Variants in MON2 observed in about 807,000 individuals in gnomAD.
MON2 encodes the protein MON2 regulator of endosome-to-Golgi trafficking, also known as protein MON2 homolog.
A neutral mutation model predicts 208.6 loss-of-function variants in MON2; 84 were observed. The ratio of observed to expected loss-of-function variants is 0.40; its 90% CI spans 0.34 to 0.48. The LOEUF (loss-of-function observed/expected upper bound fraction) is 0.48. MON2 is among the 20% of genes least tolerant of loss of function. MON2 has a pLI of 0.59. For missense variants in MON2, 1,611 were observed against 2,015.4 expected, an observed-to-expected ratio of 0.80 and a Z score of 3.84; for synonymous variants, 660 against 694.0, an observed-to-expected ratio of 0.95 and a Z score of 0.77.
At chr12:62,538,381 A>G in intron 18 of MON2, 34 bp from the exon 19 acceptor site, 1 of 1,589,710 alleles carries the variant, frequency 6.3e-7, no homozygotes, top group Non-Finnish European at 8.6e-7. Context: ...TATATTTTAG[A>G]TCAAGATGTC....
In MON2 at chr12:62,585,231, T is replaced by C; in HGVS notation, c.4700-63T>C. ...CTCTCTATTCCTAGTTTGCTAAGCATTGTTATCATTAAAGCTCATTGATTT... is the reference window on the plus strand; with the variant it reads ...CTCTCTATTCCTAGTTTGCTAAGCACTGTTATCATTAAAGCTCATTGATTT... On this transcript the variant is annotated intron_variant, in intron 32 of 34. Transcript: ENST00000393630. 4.6e-6 allele frequency: 6 copies of C among 1,306,656 alleles called. No individual in the cohort carries two copies. The South Asian group carries it at 7.8e-5, about 17-fold the overall frequency. The allele number at this position is 1,306,656 out of a possible 1,614,324, so 80.9% of individuals were successfully genotyped here.
In MON2 at chr12:62,472,991, GATTT is replaced by G. The variant is rs972959026; in HGVS notation, c.111+5678_111+5681del. 5.9e-5 allele frequency among the ~76,000 whole-genome samples: 9 copies of G among 151,574 alleles called. No individual in the cohort carries two copies. The East Asian group carries it at 7.8e-4, about 13-fold the overall frequency. On this transcript the variant is annotated intron_variant, in intron 1 of 34. Transcript: ENST00000393630. ...AAAAGGAAGACATATTTCAAAATTT[GATTT>G]ATTTTTCTTTTTTCCTTTATGTAAG...
chr12:62,524,672 A>G (rs770005219), intron 9 of MON2, 33 bp downstream of exon 9: 11 of 1,599,552 alleles, frequency 6.9e-6, no homozygotes, highest in Admixed American at 1.7e-5. Context: ...TTAAATAGAT[A>G]GGTTAATGTT....
chr12:62,528,518 T>A (rs1007010927), intron 11 of MON2, among the ~76,000 whole-genome samples: 6 of 152,210 alleles, frequency 3.9e-5, no homozygotes, highest in Admixed American at 3.9e-4. Context: ...GTAATTCTAA[T>A]AAAGTAGCAC....
chr12:62,571,703 T>C (rs2074602814), intron 30 of MON2, 121 bp downstream of exon 30: 1 of 793,310 alleles, frequency 1.3e-6, no homozygotes, highest in Non-Finnish European at 1.9e-6. Context: ...CTAGATTGTA[T>C]TAAAAACACA....
intron 4 of MON2, among the ~76,000 whole-genome samples, chr12:62,497,010 A>C (rs1281838566): frequency 6.9e-6 from 1 of 144,344 alleles, no homozygotes; most frequent in Non-Finnish European, 1.5e-5. Flanking sequence ...CTTTGTAGGG[A>C]CATGGATGAA....
chr12:62,486,490 C>T (rs1450993321), intron 2 of MON2, among the ~76,000 whole-genome samples: 1 of 151,970 alleles, frequency 6.6e-6, no homozygotes, highest in Non-Finnish European at 1.5e-5. Flanking sequence ...TCGTAGTATC[C>T]AGAGCCCATA....
Position 62,524,615 on chromosome 12 carries a change from T to A in MON2, c.1085T>A (p.Phe362Tyr). 6.2e-7 allele frequency: 1 copy of A among 1,613,416 alleles called. No individual in the cohort carries two copies. The highest frequency in any genetic ancestry group is 8.5e-7 in the Non-Finnish European group (1 of 1,179,554). Reference sequence around the variant, plus strand: ...GTTGCGGTGGAATCAATACACAGATTCTGTGTGCAGCCTCAACTATTAAGG... The same window carrying A: ...GTTGCGGTGGAATCAATACACAGATACTGTGTGCAGCCTCAACTATTAAGG... ...RAVAVESIHR[F>Y]CVQPQLLRSF... Residue 362 changes from phenylalanine to tyrosine, a missense_variant, in exon 9 of 35, where the codon TTC (phenylalanine) becomes TAC (tyrosine). Phe to Tyr is a conservative substitution (Grantham distance 22). Coordinates refer to ENST00000393630, the MANE Select transcript of MON2 (RefSeq NM_015026.3).
intron 8 of MON2, among the ~76,000 whole-genome samples, chr12:62,517,727 A>C (rs751840436): frequency 1.3e-5 from 2 of 152,186 alleles, no homozygotes; most frequent in African/African-American, 4.8e-5. Context: ...GTAACAAATA[A>C]ATTTCTGTCA....
At chr12:62,537,857 G>A (rs1385013257) in intron 16 of MON2, 151 bp downstream of exon 16, 2 of 702,742 alleles carry the variant, frequency 2.8e-6, no homozygotes, top group Non-Finnish European at 4.7e-6. Flanking sequence ...AAAAAGATGT[G>A]ACTCATATTG....
intron 24 of MON2, chr12:62,553,389 T>C: frequency 2.3e-6 from 1 of 442,704 alleles, no homozygotes; most frequent in East Asian, 3.6e-5. Flanking sequence ...CTTCATCTCT[T>C]ATTATTATAT....
chr12:62,533,284 C>A (rs2072748003), intron 12 of MON2, among the ~76,000 whole-genome samples: 1 of 152,164 alleles, frequency 6.6e-6, no homozygotes, highest in Non-Finnish European at 1.5e-5. Flanking sequence ...ATGCTCACTT[C>A]TATGAGTTGG....
At chr12:62,525,303 C>T (rs764190684) in intron 10 of MON2, 83 bp downstream of exon 10, 1 of 1,454,574 alleles carries the variant, frequency 6.9e-7, no homozygotes, top group Non-Finnish European at 9.4e-7. Context: ...TTATGAAATT[C>T]TGTGACTAGA....
In MON2 at chr12:62,537,626, A is replaced by C; in HGVS notation, c.2038A>C (p.Met680Leu). The part of the protein sequence containing the change: ...VMLTSKNIQC[M>L]RTLLNLAHCH... ...GCTGACTTCCAAAAATATCCAGTGT[A>C]TGAGGACTTTACTTAACTTGGCGCA... The change falls in exon 16 of 35, where the codon ATG becomes CTG. Residue 680 changes from methionine to leucine, a missense_variant. Transcript: ENST00000393630. 1 of 1,612,548 alleles carries C rather than the reference A, an allele frequency of 6.2e-7. No individual in the cohort carries two copies. Among genetic ancestry groups the C allele is most frequent in the East Asian group, 2.2e-5 (1 of 44,800 alleles).
intron 24 of MON2, 73 bp downstream of exon 24, chr12:62,553,247 T>C: frequency 7.6e-7 from 1 of 1,316,196 alleles, no homozygotes; most frequent in Non-Finnish European, 1.0e-6. Context: ...TCAGTTAAAC[T>C]TATTTCTTTT....
intron 8 of MON2, among the ~76,000 whole-genome samples, chr12:62,513,075 C>G (rs920990861): frequency 6.6e-6 from 1 of 152,170 alleles, no homozygotes; most frequent in African/African-American, 2.4e-5. Context: ...TCATAGGCCT[C>G]TGGATCTGTG....
chr12:62,560,805 G>A lies in MON2; in HGVS notation c.3724G>A (p.Ala1242Thr). The A allele has an allele frequency of 6.2e-7, 1 of 1,614,072 alleles. No individual in the cohort carries two copies. Among genetic ancestry groups the A allele is most frequent in the African/African-American group, 1.3e-5 (1 of 75,052 alleles). Residue 1242 changes from alanine to threonine, a missense_variant, in exon 26 of 35, where the codon GCT (alanine) becomes ACT (threonine). By Grantham distance (58) the Ala-to-Thr change is moderately conservative (BLOSUM62 0). Coordinates refer to ENST00000393630, the MANE Select transcript of MON2 (RefSeq NM_015026.3). ...DELEDLNLWW[A>T]AWNTWYRIGS... is the part of the protein sequence containing the mutation. ...GCTTGAAGATTTGAATCTATGGTGG[G>A]CTGCGTGGAATACCTGGTATAGAAT... is the stretch of plus-strand genomic sequence containing the variant.
At chr12:62,488,759 CT>C (rs1220858608) in intron 2 of MON2, among the ~76,000 whole-genome samples, 3 of 151,886 alleles carry the variant, frequency 2.0e-5, no homozygotes, top group African/African-American at 7.3e-5. Flanking sequence ...TTTATTTATT[CT>C]TTTTTTCTTT....
intron 2 of MON2, 119 bp from the exon 3 acceptor site, chr12:62,493,796 T>G: frequency 1.4e-6 from 1 of 703,464 alleles, no homozygotes; most frequent in South Asian, 3.3e-5. Context: ...GTTTTGGTGT[T>G]TATTTTACGT....
Sources: gnomAD v4.1 joint callset for allele counts (sites outside exome capture counted in the v4.1 genomes callset) on GRCh38, gnomAD v4.1.1 for gene constraint, MANE v1.5 for transcripts, NCBI Gene and HGNC (gene_info 2026-07-23, HGNC 2026-07-21) for gene names.